MTM1: variants seen among roughly 807,000 people sequenced by gnomAD.
MTM1 encodes myotubularin 1, also known as myotubularin.
A neutral mutation model predicts 52.1 loss-of-function variants in MTM1; 9 were observed. That is an observed-to-expected ratio of 0.17 (90% CI 0.10 to 0.30). The LOEUF (loss-of-function observed/expected upper bound fraction) is 0.30, where lower values mean the gene tolerates loss of function less well. Among genes scored for constraint, MTM1 ranks in the 10% least tolerant of loss-of-function variants. The probability of loss-of-function intolerance (pLI) is 1.00; values close to 1 mark genes in which losing one functional copy is unlikely to be tolerated. For synonymous variants in MTM1, 136 were observed against 163.8 expected (o/e 0.83, Z 1.29); for missense variants, 277 against 470.7 (o/e 0.59, Z 3.81).
At chrX:150,588,393 G>A (rs2038827079) in intron 1 of MTM1, among the ~76,000 whole-genome samples, 1 of 112,147 alleles carries the variant, frequency 8.9e-6, no homozygotes, top group African/African-American at 3.2e-5. Context: ...GCTCTCCGTG[G>A]TGTTTACAGT....
rs782669599 is a variant in MTM1 at position 150,593,483 on chromosome X, A to C, written c.63+806A>C. Among the ~76,000 whole-genome samples, 3 of 112,136 alleles carry C rather than the reference A, an allele frequency of 2.7e-5. No individual in the cohort carries two copies. In the East Asian group the frequency reaches 8.4e-4, roughly 32 times the overall value. On this transcript the variant is annotated intron_variant, in intron 2 of 14. Coordinates refer to ENST00000370396, the MANE Select transcript of MTM1 (RefSeq NM_000252.3). ...ATTAGAGGGAGATTTTGGAATGTGCATTCAAAGGAAGGGATTAATTTAAAA... is the reference window on the plus strand; with the variant it reads ...ATTAGAGGGAGATTTTGGAATGTGCCTTCAAAGGAAGGGATTAATTTAAAA...
At chrX:150,598,041 T>G (rs1447253781) in intron 3 of MTM1, among the ~76,000 whole-genome samples, 5 of 111,791 alleles carry the variant, frequency 4.5e-5, no homozygotes, top group African/African-American at 1.6e-4. Context: ...GAGCCATGAT[T>G]GTGCCACTGA....
At chrX:150,643,511 C>T (rs1221157663) in intron 8 of MTM1, among the ~76,000 whole-genome samples, 1 of 111,104 alleles carries the variant, frequency 9.0e-6, no homozygotes, top group Non-Finnish European at 1.9e-5. Context: ...AGACTTCCTT[C>T]TAAGCATATA....
chrX:150,656,136 T>C (rs183487604), intron 10 of MTM1, among the ~76,000 whole-genome samples: 1 of 111,387 alleles, frequency 9.0e-6, no homozygotes, highest in Non-Finnish European at 1.9e-5. Flanking sequence ...ATTTTTTTTT[T>C]AATCTGATCA....
chrX:150,671,625 G>A lies in MTM1; in HGVS notation c.*30G>A, dbSNP rs781883221. 53 of 1,197,609 alleles carry A rather than the reference G, an allele frequency of 4.4e-5. No homozygotes were observed. Among genetic ancestry groups the A allele is most frequent in the Non-Finnish European group, 5.5e-5 (49 of 885,248 alleles). On this transcript the variant is annotated 3_prime_UTR_variant, in exon 15 of 15. Transcript: ENST00000370396. ...GGACCCTGGCACCGCATTAGAGCTC[G>A]AAATAAAGGCGATAGCTGACTTTCA...
chrX:150,616,391 C>T (rs987796313), intron 5 of MTM1, among the ~76,000 whole-genome samples: 2 of 111,966 alleles, frequency 1.8e-5, no homozygotes, highest in East Asian at 2.8e-4. Context: ...AAATCTGCTT[C>T]GGTGAGATAA....
chrX:150,568,333 C>T (rs1354239388), upstream of MTM1, among the ~76,000 whole-genome samples: 4 of 113,407 alleles, frequency 3.5e-5, no homozygotes, highest in African/African-American at 1.3e-4. Context: ...ACAGGGATGG[C>T]CCCTGGCATC....
intron 6 of MTM1, among the ~76,000 whole-genome samples, chrX:150,628,532 A>C (rs2039609281): frequency 1.0e-5 from 1 of 99,320 alleles, no homozygotes; most frequent in Non-Finnish European, 2.2e-5. Flanking sequence ...TCCAAATATA[A>C]AGCATGGCTT....
chrX:150,567,584 C>T (rs1337755757), upstream of MTM1, among the ~76,000 whole-genome samples: 2 of 111,668 alleles, frequency 1.8e-5, no homozygotes, highest in Admixed American at 9.5e-5. Flanking sequence ...CACGCAGTCT[C>T]GCTTTGTCAC....
Position 150,671,767 on chromosome X carries a change from A to G in MTM1, c.*172A>G, listed in dbSNP as rs1395949499. 12 of 534,183 alleles carry G rather than the reference A, an allele frequency of 2.2e-5. No individual in the cohort carries two copies. The highest frequency in any genetic ancestry group is 3.6e-5 in the Non-Finnish European group (12 of 334,429). 44.0% of individuals were successfully genotyped at this position (534,183 alleles called of 1,213,427 possible). ...AGAATACATATTACAAGAAAACTAC[A>G]GGGTCCACACGGCAATCAGAAGAAA... On this transcript the variant is annotated 3_prime_UTR_variant, in exon 15 of 15. Coordinates refer to ENST00000370396, the MANE Select transcript of MTM1 (RefSeq NM_000252.3).
chrX:150,574,503 G>A (rs1557411565), intron 1 of MTM1, among the ~76,000 whole-genome samples: 2 of 112,422 alleles, frequency 1.8e-5, no homozygotes, highest in Non-Finnish European at 3.7e-5. Context: ...CTAGCCAATA[G>A]AGAATGTGTA....
At chrX:150,645,041 GGC>G (rs2039907181) in intron 8 of MTM1, among the ~76,000 whole-genome samples, 1 of 111,808 alleles carries the variant, frequency 8.9e-6, no homozygotes, top group South Asian at 3.8e-4. Context: ...CTATGAGCTT[GGC>G]AACCAGGGAG....
At chrX:150,608,005 A>C (rs116004953) in intron 4 of MTM1, among the ~76,000 whole-genome samples, 46 of 110,947 alleles carry the variant, frequency 4.1e-4, no homozygotes, top group African/African-American at 1.5e-3. Flanking sequence ...AATACATATA[A>C]GTTCCCTAGA....
At chrX:150,613,884 G>T (rs1173286166) in intron 4 of MTM1, among the ~76,000 whole-genome samples, 1 of 112,196 alleles carries the variant, frequency 8.9e-6, no homozygotes, top group Non-Finnish European at 1.9e-5. Flanking sequence ...TGATGGAGAA[G>T]CCTTGCTGTG....
upstream of MTM1, among the ~76,000 whole-genome samples, chrX:150,565,253 T>G (rs1471858462): frequency 1.8e-5 from 2 of 111,484 alleles, no homozygotes; most frequent in Non-Finnish European, 3.8e-5. Context: ...ATTCAACCCC[T>G]TTTTTTCAGA....
chrX:150,655,318 C>T (rs2040093200), intron 10 of MTM1, among the ~76,000 whole-genome samples: 1 of 99,804 alleles, frequency 1.0e-5, no homozygotes, highest in Non-Finnish European at 2.0e-5. Flanking sequence ...GAGCGAGACT[C>T]TGTCTCAAAA....
intron 4 of MTM1, among the ~76,000 whole-genome samples, chrX:150,603,394 G>A (rs1262709003): frequency 8.9e-6 from 1 of 111,800 alleles, no homozygotes; most frequent in East Asian, 2.8e-4. Context: ...AACTCCAGCT[G>A]CAGTGTGTGT....
intron 1 of MTM1, among the ~76,000 whole-genome samples, chrX:150,587,926 G>A (rs1557412333): frequency 9.0e-6 from 1 of 111,479 alleles, no homozygotes; most frequent in Non-Finnish European, 1.9e-5. Flanking sequence ...ACAGTATATT[G>A]ATTTTGTATC....
In MTM1 at chrX:150,598,696, A is replaced by G. The variant is rs1231679121; in HGVS notation, c.231+10A>G. The G allele has an allele frequency of 1.9e-6, 2 of 1,048,210 alleles. No individual in the cohort carries two copies. Among genetic ancestry groups the G allele is most frequent in the African/African-American group, 1.8e-5 (1 of 54,276 alleles). The allele number at this position is 1,048,210 out of a possible 1,213,427, so 86.4% of individuals were successfully genotyped here. On this transcript the variant is annotated intron_variant, in intron 4 of 14. Coordinates refer to ENST00000370396, the MANE Select transcript of MTM1 (RefSeq NM_000252.3). ...AAGAAGTTTGGAAACGGTAAGTAGA[A>G]TATAAGACCATAAAGATGACCCTAA...
Sources: allele counts gnomAD v4.1 joint callset (sites outside exome capture counted in the v4.1 genomes callset), GRCh38; gene constraint gnomAD v4.1.1; transcripts MANE v1.5; gene names NCBI Gene and HGNC (gene_info 2026-07-23, HGNC 2026-07-21).